IL1RAPL1: variants seen among roughly 807,000 people sequenced by gnomAD.
IL1RAPL1 encodes the protein interleukin 1 receptor accessory protein like 1.
A neutral mutation model predicts 48.4 loss-of-function variants in IL1RAPL1; 3 were observed. The ratio of observed to expected loss-of-function variants is 0.06; its 90% CI spans 0.03 to 0.16. The LOEUF is 0.16. IL1RAPL1 is among the 10% of genes least tolerant of loss of function. The pLI is 1.00. For synonymous variants in IL1RAPL1, 185 were observed against 187.7 expected (o/e 0.99, Z 0.12); for missense variants, 349 against 530.6 (o/e 0.66, Z 3.36).
chrX:29,600,877 C>T (rs1329486962), intron 5 of IL1RAPL1, among the ~76,000 whole-genome samples: 1 of 111,316 alleles, frequency 9.0e-6, no homozygotes, highest in Non-Finnish European at 1.9e-5. Context: ...TCTCACCCCG[C>T]TCCCACACAG....
chrX:29,920,181 T>C, intron 8 of IL1RAPL1, 87 bp downstream of exon 8: 10 of 1,097,198 alleles, frequency 9.1e-6, no homozygotes, highest in African/African-American at 1.8e-5. Flanking sequence ...AATTTAGTTT[T>C]GTTTTTCTCC....
chrX:28,675,531 A>G (rs1350693570), intron 1 of IL1RAPL1, among the ~76,000 whole-genome samples: 1 of 112,072 alleles, frequency 8.9e-6, no homozygotes, highest in Non-Finnish European at 1.9e-5. Context: ...ATATTGTCCC[A>G]ATATTTTAAC....
chrX:29,677,961 G>A (rs912821194), intron 6 of IL1RAPL1, among the ~76,000 whole-genome samples: 1 of 111,283 alleles, frequency 9.0e-6, no homozygotes, highest in Admixed American at 9.6e-5. Flanking sequence ...TAGGATAACT[G>A]CCCATGGTGT....
chrX:29,016,763 C>G (rs1261776124), intron 2 of IL1RAPL1, among the ~76,000 whole-genome samples: 3 of 110,893 alleles, frequency 2.7e-5, no homozygotes, highest in Non-Finnish European at 5.7e-5. Context: ...ATATAATTTA[C>G]TGTGATATTT....
chrX:29,571,057 C>CA (rs1922577466), intron 5 of IL1RAPL1, among the ~76,000 whole-genome samples: 1 of 110,311 alleles, frequency 9.1e-6, no homozygotes, highest in African/African-American at 3.3e-5. Flanking sequence ...CCGTCTCTAC[C>CA]AAAAAATACA....
chrX:28,660,630 G>A (rs1451393159), intron 1 of IL1RAPL1, among the ~76,000 whole-genome samples: 1 of 111,459 alleles, frequency 9.0e-6, no homozygotes, highest in Non-Finnish European at 1.9e-5. Flanking sequence ...TTAGAACTAG[G>A]TACTTTGAGA....
intron 6 of IL1RAPL1, among the ~76,000 whole-genome samples, chrX:29,815,767 T>G (rs780882807): frequency 9.0e-6 from 1 of 111,326 alleles, no homozygotes; most frequent in African/African-American, 3.3e-5. Flanking sequence ...CCTAGTTTGT[T>G]GAGGCTTTTT....
intron 6 of IL1RAPL1, among the ~76,000 whole-genome samples, chrX:29,752,219 C>T (rs1405000454): frequency 9.5e-6 from 1 of 104,994 alleles, no homozygotes; most frequent in Non-Finnish European, 1.9e-5. Flanking sequence ...CTTGATGGCC[C>T]GGGCGCAGGG....
intron 2 of IL1RAPL1, among the ~76,000 whole-genome samples, chrX:28,931,327 C>T (rs1320013106): frequency 8.9e-6 from 1 of 111,799 alleles, no homozygotes; most frequent in Non-Finnish European, 1.9e-5. Flanking sequence ...ACTGAATTTG[C>T]TAGTAAATGC....
intron 6 of IL1RAPL1, among the ~76,000 whole-genome samples, chrX:29,768,994 G>A (rs911920108): frequency 9.0e-6 from 1 of 110,953 alleles, no homozygotes; most frequent in African/African-American, 3.3e-5. Flanking sequence ...CTATCTGCTG[G>A]GACAGGAAAA....
At chrX:28,940,029 G>C (rs954010835) in intron 2 of IL1RAPL1, among the ~76,000 whole-genome samples, 2 of 111,785 alleles carry the variant, frequency 1.8e-5, no homozygotes, top group African/African-American at 6.5e-5. Context: ...CAGCTGCACA[G>C]TATGAATTCA....
At chrX:29,218,444 G>C (rs1930917348) in intron 2 of IL1RAPL1, among the ~76,000 whole-genome samples, 1 of 111,570 alleles carries the variant, frequency 9.0e-6, no homozygotes, top group South Asian at 3.7e-4. Context: ...ATTAAATCTT[G>C]TTGAGGAATA....
intron 2 of IL1RAPL1, among the ~76,000 whole-genome samples, chrX:29,168,072 T>C (rs1020916058): frequency 9.0e-6 from 1 of 110,739 alleles, no homozygotes; most frequent in Admixed American, 9.7e-5. Flanking sequence ...ACTTAACACA[T>C]AATAATTTAA....
At chrX:29,132,474 T>A (rs146062623) in intron 2 of IL1RAPL1, among the ~76,000 whole-genome samples, 2,517 of 112,199 alleles carry the variant, frequency 0.022, 74 homozygotes, top group African/African-American at 0.077. Flanking sequence ...GATGCAGTAC[T>A]GGTTTGTAGC....
chrX:29,675,881 A>T (rs1234975137), intron 6 of IL1RAPL1, among the ~76,000 whole-genome samples: 3 of 112,106 alleles, frequency 2.7e-5, no homozygotes, highest in Non-Finnish European at 3.8e-5. Context: ...GAGCCACCAC[A>T]CCCGGTTAAA....
chrX:28,651,555 A>G (rs149014418), intron 1 of IL1RAPL1, among the ~76,000 whole-genome samples: 1 of 112,250 alleles, frequency 8.9e-6, no homozygotes, highest in Non-Finnish European at 1.9e-5. Context: ...TCTTTGTGGA[A>G]CCATATTGAC....
chrX:28,810,818 A>G (rs1022018199), intron 2 of IL1RAPL1, among the ~76,000 whole-genome samples: 1 of 110,202 alleles, frequency 9.1e-6, no homozygotes, highest in Non-Finnish European at 1.9e-5. Flanking sequence ...GTCCTATGAG[A>G]TCTATTATGC....
At chrX:28,818,221 G>A (rs1261925557) in intron 2 of IL1RAPL1, among the ~76,000 whole-genome samples, 1 of 110,725 alleles carries the variant, frequency 9.0e-6, no homozygotes, top group Non-Finnish European at 1.9e-5. Flanking sequence ...TTAAGGACAC[G>A]GGGATTGCTA....
At chrX:29,035,660 A>G (rs760730574) in intron 2 of IL1RAPL1, among the ~76,000 whole-genome samples, 38 of 111,429 alleles carry the variant, frequency 3.4e-4, no homozygotes, top group African/African-American at 1.2e-3. Context: ...ATGTTAATAT[A>G]AAAATAAAGT....
Sources: allele counts gnomAD v4.1 joint callset (sites outside exome capture counted in the v4.1 genomes callset), GRCh38; gene constraint gnomAD v4.1.1; transcripts MANE v1.5; gene names NCBI Gene and HGNC (gene_info 2026-07-23, HGNC 2026-07-21).